USP32: variants seen among roughly 807,000 people sequenced by gnomAD.
USP32 encodes the protein ubiquitin specific peptidase 32.
In USP32, 59 loss-of-function variants were observed where a neutral mutation model predicts 204.8. The ratio of observed to expected loss-of-function variants is 0.29; its 90% confidence interval spans 0.23 to 0.36. USP32 has a LOEUF of 0.36. Among genes scored for constraint, USP32 ranks in the 10% least tolerant of loss-of-function variants. The pLI, the probability that USP32 is intolerant of heterozygous loss-of-function variation, is 1.00. For synonymous variants in USP32, 517 were observed against 678.4 expected (o/e 0.76, Z 3.70); for missense variants, 1,160 against 1,946.4 (o/e 0.60, Z 7.60).
intron 2 of USP32, among the ~76,000 whole-genome samples, chr17:60,317,863 T>C (rs1282069270): frequency 6.6e-6 from 1 of 152,202 alleles, no homozygotes; most frequent in African/African-American, 2.4e-5. Context: ...CATGCGCCTA[T>C]AGTCCCAGCT....
chr17:60,223,383 T>A (rs748761018), intron 14 of USP32, 28 bp downstream of exon 14: 2 of 1,580,814 alleles, frequency 1.3e-6, no homozygotes, highest in East Asian at 4.5e-5. Context: ...AAGAGAATAA[T>A]TTTAAGTTTA....
At chr17:60,245,962 C>T (rs1015218608) in intron 11 of USP32, among the ~76,000 whole-genome samples, 11 of 151,284 alleles carry the variant, frequency 7.3e-5, no homozygotes, top group Middle Eastern at 3.2e-3. Flanking sequence ...GCATACAATG[C>T]GTAATGATCA....
At chr17:60,233,195 A>C (rs1050403117) in intron 12 of USP32, among the ~76,000 whole-genome samples, 1 of 152,178 alleles carries the variant, frequency 6.6e-6, no homozygotes, top group South Asian at 2.1e-4. Flanking sequence ...ACTTAACAAG[A>C]GTCTGGGTGC....
At chr17:60,249,527 A>C (rs1279285313) in intron 11 of USP32, 1 of 486,736 alleles carries the variant, frequency 2.1e-6, no homozygotes, top group African/African-American at 2.0e-5. Context: ...ACTGTTTACC[A>C]CCATGATGGT....
chr17:60,190,943 T>A (rs1393063460), intron 28 of USP32, among the ~76,000 whole-genome samples: 1 of 152,212 alleles, frequency 6.6e-6, no homozygotes, highest in African/African-American at 2.4e-5. Context: ...CACAGGAAGA[T>A]GTGAACTTTA....
At chr17:60,298,889 G>C (rs2087503595) in intron 3 of USP32, among the ~76,000 whole-genome samples, 1 of 152,208 alleles carries the variant, frequency 6.6e-6, no homozygotes, top group East Asian at 1.9e-4. Context: ...TTGGAAGACA[G>C]AGGCAGAAGG....
intron 2 of USP32, among the ~76,000 whole-genome samples, chr17:60,336,632 C>T (rs2088525057): frequency 1.4e-5 from 2 of 143,600 alleles, no homozygotes; most frequent in Non-Finnish European, 3.0e-5. Context: ...AGGAGAATGG[C>T]GTGAACCCGG....
intron 5 of USP32, among the ~76,000 whole-genome samples, chr17:60,281,402 G>T (rs993685096): frequency 6.6e-6 from 1 of 152,136 alleles, no homozygotes; most frequent in Non-Finnish European, 1.5e-5. Flanking sequence ...GCCAGGCGCG[G>T]TAGCAGGCGC....
chr17:60,255,469 TTG>T (rs2086277941), intron 9 of USP32, among the ~76,000 whole-genome samples: 1 of 152,054 alleles, frequency 6.6e-6, no homozygotes. Context: ...GGCTAAGTTT[TTG>T]TGTTTTTCAG....
intron 1 of USP32, among the ~76,000 whole-genome samples, chr17:60,414,952 A>C (rs1414406978): frequency 6.6e-6 from 1 of 151,834 alleles, no homozygotes; most frequent in Admixed American, 6.6e-5. Context: ...CCCGGGTTCA[A>C]GCAATAATTC....
chr17:60,180,113 C>A (rs2084067583), intron 33 of USP32, among the ~76,000 whole-genome samples: 1 of 151,992 alleles, frequency 6.6e-6, no homozygotes, highest in Non-Finnish European at 1.5e-5. Context: ...GCAACCTCCA[C>A]CTCCCAGGTT....
intron 4 of USP32, among the ~76,000 whole-genome samples, chr17:60,294,420 T>C (rs140675254): frequency 8.3e-6 from 1 of 120,326 alleles, no homozygotes; most frequent in East Asian, 2.1e-4. Context: ...ATTACTGTGT[T>C]AGTGTGAGTA....
intron 1 of USP32, among the ~76,000 whole-genome samples, chr17:60,398,285 A>G (rs2089912576): frequency 1.3e-5 from 2 of 152,170 alleles, no homozygotes; most frequent in Non-Finnish European, 2.9e-5. Flanking sequence ...AGTCTCAGCT[A>G]CTCAGGAACC....
intron 1 of USP32, among the ~76,000 whole-genome samples, chr17:60,408,512 G>A (rs941883746): frequency 6.6e-6 from 1 of 152,084 alleles, no homozygotes; most frequent in East Asian, 1.9e-4. Flanking sequence ...CAAGTAGCTG[G>A]GATTATAGGT....
intron 1 of USP32, among the ~76,000 whole-genome samples, chr17:60,397,824 G>C (rs1397309431): frequency 1.3e-5 from 2 of 152,066 alleles, no homozygotes; most frequent in Non-Finnish European, 2.9e-5. Context: ...GCCTGCCTAC[G>C]TATAGGTATT....
intron 12 of USP32, among the ~76,000 whole-genome samples, chr17:60,235,873 G>A: frequency 6.6e-6 from 1 of 152,162 alleles, no homozygotes; most frequent in Non-Finnish European, 1.5e-5. Context: ...GAGATGTGAT[G>A]TATGTGACAT....
At chr17:60,233,188 T>G (rs145974061) in intron 12 of USP32, among the ~76,000 whole-genome samples, 5 of 152,236 alleles carry the variant, frequency 3.3e-5, no homozygotes, top group Non-Finnish European at 7.4e-5. Flanking sequence ...TTAAAATACT[T>G]AACAAGAGTC....
intron 1 of USP32, among the ~76,000 whole-genome samples, chr17:60,349,596 AATATATATATATATATATATATATATAT>A (rs1392388167): frequency 1.4e-4 from 9 of 65,202 alleles, no homozygotes; most frequent in Admixed American, 5.0e-4. Flanking sequence ...AAAAAAAAAA[AATATATATATATATATATATATATATAT>A]TATATATATA....
At chr17:60,370,609 C>A (rs1425114690) in intron 1 of USP32, among the ~76,000 whole-genome samples, 1 of 150,808 alleles carries the variant, frequency 6.6e-6, no homozygotes, top group Non-Finnish European at 1.5e-5. Flanking sequence ...AAAAAAAATA[C>A]AAAAAAAATT....
Sources: gnomAD v4.1 joint callset for allele counts (sites outside exome capture counted in the v4.1 genomes callset) on GRCh38, gnomAD v4.1.1 for gene constraint, MANE v1.5 for transcripts, NCBI Gene and HGNC (gene_info 2026-07-23, HGNC 2026-07-21) for gene names.